Variants in MICOS10 observed in about 807,000 individuals in gnomAD.
MICOS10 encodes MICOS complex subunit MIC10.
A neutral mutation model predicts 13.4 loss-of-function variants in MICOS10; 5 were observed. The ratio of observed to expected loss-of-function variants is 0.37; its 90% CI spans 0.20 to 0.78. The LOEUF (loss-of-function observed/expected upper bound fraction) is 0.78. Ranked by LOEUF, MICOS10 falls within the 30% of genes least tolerant of loss-of-function variation. The pLI, the probability that MICOS10 is intolerant of heterozygous loss-of-function variation, is 0.47. For synonymous variants in MICOS10, 35 were observed against 33.6 expected (o/e 1.04, Z -0.15); for missense variants, 101 against 94.6 (o/e 1.07, Z -0.28).
chr1:19,597,164 G>A, intron 1 of MICOS10, 55 bp downstream of exon 1: 2 of 1,551,916 alleles, frequency 1.3e-6, no homozygotes, highest in Non-Finnish European at 1.8e-6. Flanking sequence ...CTGGCTCCAG[G>A]CTGCGCTGCC....
In MICOS10 at chr1:19,610,693, G is replaced by A. The variant is rs59261426; in HGVS notation, c.65-11407G>A. On this transcript the variant is annotated intron_variant, in intron 1 of 3. Coordinates refer to ENST00000322753, the MANE Select transcript of MICOS10 (RefSeq NM_001032363.4). ...ATTGTAACACTCTGACATAATTGTC[G>A]ACAGATTTGTAGACTTACCTTACTT... Among the ~76,000 whole-genome samples, 943 of 152,058 alleles carry A rather than the reference G, an allele frequency of 6.2e-3. 7 individuals are homozygous for A. The highest frequency in any genetic ancestry group is 0.022 in the African/African-American group (897 of 41,506).
chr1:19,606,943 A>G (rs1389542174), intron 1 of MICOS10, among the ~76,000 whole-genome samples: 1 of 152,220 alleles, frequency 6.6e-6, no homozygotes, highest in African/African-American at 2.4e-5. Context: ...AAAGCAAATT[A>G]TTGTTTTTCT....
intron 1 of MICOS10, chr1:19,600,872 A>G (rs1214673473): frequency 7.8e-7 from 1 of 1,288,894 alleles, no homozygotes; most frequent in African/African-American, 1.5e-5. Context: ...ACGTGCCAGG[A>G]TTACAGGCAT....
intron 2 of MICOS10, 51 bp downstream of exon 2, chr1:19,622,198 G>T: frequency 6.8e-7 from 1 of 1,460,984 alleles, no homozygotes; most frequent in Non-Finnish European, 9.5e-7. Flanking sequence ...ATACATATAC[G>T]TAGCAGGGAC....
chr1:19,608,298 T>C, intron 1 of MICOS10: 2 of 1,338,496 alleles, frequency 1.5e-6, no homozygotes, highest in Non-Finnish European at 1.1e-6. Context: ...GGGATGAAGG[T>C]GAAGGCAGAC....
intron 1 of MICOS10, among the ~76,000 whole-genome samples, chr1:19,615,979 C>T (rs1450448708): frequency 1.3e-5 from 2 of 151,790 alleles, no homozygotes; most frequent in Non-Finnish European, 2.9e-5. Flanking sequence ...GTGCAGTTGG[C>T]GTGATCTTCG....
chr1:19,616,109 G>A (rs1212703606), intron 1 of MICOS10, among the ~76,000 whole-genome samples: 3 of 151,984 alleles, frequency 2.0e-5, no homozygotes, highest in East Asian at 3.9e-4. Context: ...TGGAGATGGG[G>A]TTCACCACGT....
At chr1:19,612,955 C>T (rs1737422) in intron 1 of MICOS10, among the ~76,000 whole-genome samples, 15,116 of 152,192 alleles carry the variant, frequency 0.099, 2,527 homozygotes, top group African/African-American at 0.34. Context: ...CTCTTTCCTA[C>T]GGATCCCTGA....
chr1:19,614,318 T>G lies in MICOS10; in HGVS notation c.65-7782T>G, dbSNP rs1163883717. On this transcript the variant is annotated intron_variant, in intron 1 of 3. Coordinates refer to ENST00000322753, the MANE Select transcript of MICOS10 (RefSeq NM_001032363.4). ...CTTTGGCAGCCTTCCCCCATTCACC[T>G]CCCTTATAAAAAAAAAAAAGCCCAG... Among the ~76,000 whole-genome samples the G allele has an allele frequency of 6.9e-5, 10 of 144,874 alleles. No individual in the cohort carries two copies. The South Asian group carries it at 2.2e-3, about 32-fold the overall frequency.
At chr1:19,623,694 C>T in intron 3 of MICOS10, 111 bp downstream of exon 3, 1 of 718,960 alleles carries the variant, frequency 1.4e-6, no homozygotes, top group Non-Finnish European at 2.3e-6. Context: ...GTCATTGTGG[C>T]ACCACTCTCA....
chr1:19,600,850 C>T, intron 1 of MICOS10: 1 of 1,274,938 alleles, frequency 7.8e-7, no homozygotes, highest in Middle Eastern at 2.1e-4. Flanking sequence ...ATCCACCTAC[C>T]TTGGCCTCCC....
chr1:19,606,846 C>G (rs143492530), intron 1 of MICOS10, among the ~76,000 whole-genome samples: 10 of 152,060 alleles, frequency 6.6e-5, no homozygotes, highest in African/African-American at 2.4e-4. Flanking sequence ...TGTATTCATT[C>G]AATAATCAAG....
At chr1:19,603,470 A>G (rs780680143) in intron 1 of MICOS10, among the ~76,000 whole-genome samples, 7 of 152,256 alleles carry the variant, frequency 4.6e-5, no homozygotes, top group Non-Finnish European at 1.0e-4. Flanking sequence ...CTTGTGTGAC[A>G]GTGGCCTGTC....
chr1:19,625,198 A>G (rs1177960496), intron 3 of MICOS10, among the ~76,000 whole-genome samples: 1 of 152,242 alleles, frequency 6.6e-6, no homozygotes, highest in Admixed American at 6.5e-5. Context: ...CGAAATATAT[A>G]AAAACATTGG....
chr1:19,614,936 G>A (rs1325372313), intron 1 of MICOS10, among the ~76,000 whole-genome samples: 2 of 152,148 alleles, frequency 1.3e-5, no homozygotes, highest in African/African-American at 4.8e-5. Context: ...TTCTGCCACT[G>A]AGTGGAGTGC....
intron 1 of MICOS10, among the ~76,000 whole-genome samples, chr1:19,601,644 G>A (rs2094815726): frequency 6.6e-6 from 1 of 151,550 alleles, no homozygotes; most frequent in Admixed American, 6.6e-5. Flanking sequence ...TGCTTATTCG[G>A]GTTTTAAAAC....
chr1:19,608,449 C>A, intron 1 of MICOS10: 1 of 1,282,574 alleles, frequency 7.8e-7, no homozygotes, highest in Non-Finnish European at 1.1e-6. Flanking sequence ...GACCTGGGGC[C>A]CAGTCGGCCC....
At chr1:19,620,131 A>C (rs941961089) in intron 1 of MICOS10, among the ~76,000 whole-genome samples, 1 of 152,266 alleles carries the variant, frequency 6.6e-6, no homozygotes, top group Non-Finnish European at 1.5e-5. Flanking sequence ...CTTGTCATGC[A>C]ACAGCAACAA....
chr1:19,622,643 A>G (rs1244754677), intron 2 of MICOS10, among the ~76,000 whole-genome samples: 25 of 152,158 alleles, frequency 1.6e-4, no homozygotes, highest in Non-Finnish European at 2.5e-4. Context: ...TGCCAGAGGG[A>G]TCCTTTTGAC....
Sources: allele counts gnomAD v4.1 joint callset (sites outside exome capture counted in the v4.1 genomes callset), GRCh38; gene constraint gnomAD v4.1.1; transcripts MANE v1.5; gene names NCBI Gene and HGNC (gene_info 2026-07-23, HGNC 2026-07-21).